GRIN2B: variants seen among roughly 807,000 people sequenced by gnomAD.
GRIN2B encodes glutamate receptor ionotropic, NMDA 2B.
A neutral mutation model predicts 114.5 loss-of-function variants in GRIN2B; 5 were observed. That is an observed-to-expected ratio of 0.04 (90% CI 0.02 to 0.09). The LOEUF is 0.09. Ranked by LOEUF, GRIN2B falls within the 10% of genes least tolerant of loss-of-function variation. The pLI is 1.00. For synonymous variants in GRIN2B, 787 were observed against 745.1 expected, an observed-to-expected ratio of 1.06 and a Z score of -0.92; for missense variants, 1,108 against 1,943.5, an observed-to-expected ratio of 0.57 and a Z score of 8.08.
chr12:13,707,294 G>A (rs1045162214), intron 4 of GRIN2B, among the ~76,000 whole-genome samples: 5 of 152,044 alleles, frequency 3.3e-5, no homozygotes, highest in Non-Finnish European at 5.9e-5. Flanking sequence ...AGGGGAAAAC[G>A]CCCAAACAAG....
chr12:13,857,329 T>C (rs1865678243), intron 3 of GRIN2B, among the ~76,000 whole-genome samples: 1 of 152,020 alleles, frequency 6.6e-6, no homozygotes, highest in South Asian at 2.1e-4. Context: ...CCACTTAACA[T>C]GCCGGTTCTC....
intron 2 of GRIN2B, among the ~76,000 whole-genome samples, chr12:13,874,986 T>C (rs564224803): frequency 6.6e-6 from 1 of 152,190 alleles, no homozygotes; most frequent in South Asian, 2.1e-4. Flanking sequence ...ACGTCTGCCA[T>C]AGTAGTTTCC....
At chr12:13,829,980 A>T (rs975209519) in intron 3 of GRIN2B, among the ~76,000 whole-genome samples, 1 of 152,168 alleles carries the variant, frequency 6.6e-6, no homozygotes, top group Non-Finnish European at 1.5e-5. Flanking sequence ...AGGGGCTGGG[A>T]GGATGGAACA....
In GRIN2B at chr12:13,547,126, A is replaced by C. The variant is rs951353325; in HGVS notation, c.*15657T>G. ...TTTAGATAAGAATACAGTTTAAGGG[A>C]TATATCCCATTTTCATAGGAAAGGA... On this transcript the variant is annotated 3_prime_UTR_variant, in exon 14 of 14. Coordinates refer to ENST00000609686, the MANE Select transcript of GRIN2B (RefSeq NM_000834.5). 6.6e-6 allele frequency: 1 copy of C among 152,186 alleles called. No individual in the cohort carries two copies. The highest frequency in any genetic ancestry group is 1.5e-5 in the Non-Finnish European group (1 of 68,036). 9.4% of individuals were successfully genotyped at this position (152,186 alleles called of 1,614,324 possible). A position where few individuals can be genotyped will look rare whatever the true frequency, so the allele number is the denominator to read the frequency against.
chr12:13,616,136 A>C (rs917922133), intron 6 of GRIN2B, among the ~76,000 whole-genome samples: 43 of 152,202 alleles, frequency 2.8e-4, no homozygotes, highest in African/African-American at 9.9e-4. Context: ...AGATTCTGGG[A>C]CATGCTGGCC....
At chr12:13,811,072 C>T (rs1197481854) in intron 3 of GRIN2B, among the ~76,000 whole-genome samples, 1 of 152,242 alleles carries the variant, frequency 6.6e-6, no homozygotes, top group Non-Finnish European at 1.5e-5. Context: ...TTAGCCACTG[C>T]CATCTATGGC....
At chr12:13,647,721 A>G (rs1038985308) in intron 5 of GRIN2B, among the ~76,000 whole-genome samples, 2 of 152,026 alleles carry the variant, frequency 1.3e-5, no homozygotes, top group Non-Finnish European at 2.9e-5. Context: ...CACCCACTCA[A>G]AAGGGGAATT....
intron 2 of GRIN2B, among the ~76,000 whole-genome samples, chr12:13,945,396 T>A (rs1284252214): frequency 6.6e-6 from 1 of 152,184 alleles, no homozygotes; most frequent in East Asian, 1.9e-4. Context: ...CAGATCCCTG[T>A]CACACTGCAG....
intron 3 of GRIN2B, among the ~76,000 whole-genome samples, chr12:13,782,531 AAC>A (rs1334157417): frequency 2.1e-3 from 317 of 152,332 alleles, no homozygotes; most frequent in African/African-American, 7.2e-3. Flanking sequence ...TTTGAGTTGA[AAC>A]TACAATAAAA....
intron 3 of GRIN2B, among the ~76,000 whole-genome samples, chr12:13,806,831 C>T (rs1864608512): frequency 6.6e-6 from 1 of 151,956 alleles, no homozygotes; most frequent in Non-Finnish European, 1.5e-5. Context: ...CCATTGTTTT[C>T]CCTAGTATTT....
intron 3 of GRIN2B, among the ~76,000 whole-genome samples, chr12:13,785,053 C>T (rs180799383): frequency 2.6e-5 from 4 of 152,346 alleles, no homozygotes; most frequent in South Asian, 4.1e-4. Context: ...CATTACTAAC[C>T]TTGTTTTTAA....
At chr12:13,597,106 A>G (rs943078614) in intron 10 of GRIN2B, among the ~76,000 whole-genome samples, 2 of 152,218 alleles carry the variant, frequency 1.3e-5, no homozygotes, top group African/African-American at 4.8e-5. Context: ...CTTAATCCTT[A>G]GATGACTCTC....
At chr12:13,905,654 G>T (rs1180611236) in intron 2 of GRIN2B, among the ~76,000 whole-genome samples, 1 of 152,144 alleles carries the variant, frequency 6.6e-6, no homozygotes, top group African/African-American at 2.4e-5. Flanking sequence ...CCTTAAAGAA[G>T]TTTTGCATTT....
chr12:13,796,655 A>G lies in GRIN2B; in HGVS notation c.412-42740T>C, dbSNP rs1351099087. Among the ~76,000 whole-genome samples the G allele has an allele frequency of 3.3e-5, 5 of 152,334 alleles. No homozygotes were observed. In the South Asian group the frequency reaches 6.2e-4, roughly 19 times the overall value. ...GTGAGATAAACAGACTTTATGCTGC[A>G]TATCTAGTGTCTTCCATCTGGCCAG... is the stretch of plus-strand genomic sequence containing the variant. On this transcript the variant is annotated intron_variant, in intron 3 of 13. Coordinates refer to ENST00000609686, the MANE Select transcript of GRIN2B (RefSeq NM_000834.5).
intron 4 of GRIN2B, among the ~76,000 whole-genome samples, chr12:13,717,726 TC>T (rs1273525572): frequency 1.3e-5 from 2 of 151,986 alleles, no homozygotes; most frequent in African/African-American, 2.4e-5. Context: ...ACCTTCACTG[TC>T]ATAAAGCAAA....
Position 13,964,553 on chromosome 12 carries a change from A to C in GRIN2B, c.-19+15375T>G, listed in dbSNP as rs144991622. Among the ~76,000 whole-genome samples the C allele has an allele frequency of 3.6e-3, 543 of 152,338 alleles. 5 individuals carry two copies. Among genetic ancestry groups the C allele is most frequent in the African/African-American group, 0.013 (521 of 41,574 alleles). On this transcript the variant is annotated intron_variant, in intron 2 of 13. Transcript: ENST00000609686. ...ATATTTGCCAGGGTGTGCCCTGGAC[A>C]CATAGTCCAGAGCAAGGGCTCTTAA...
chr12:13,659,101 C>T (rs924959671), intron 5 of GRIN2B, among the ~76,000 whole-genome samples: 1 of 152,166 alleles, frequency 6.6e-6, no homozygotes, highest in African/African-American at 2.4e-5. Flanking sequence ...AGTCTGCATT[C>T]TTAGTGGTAT....
At chr12:13,638,249 C>CTA (rs1415629514) in intron 5 of GRIN2B, among the ~76,000 whole-genome samples, 1 of 152,106 alleles carries the variant, frequency 6.6e-6, no homozygotes, top group African/African-American at 2.4e-5. Context: ...GTTTTTCACA[C>CTA]TATTGTTCAC....
chr12:13,859,235 G>C (rs1865713476), intron 3 of GRIN2B, among the ~76,000 whole-genome samples: 3 of 152,170 alleles, frequency 2.0e-5, no homozygotes, highest in South Asian at 4.1e-4. Flanking sequence ...TTCTCTCCTT[G>C]TGCTGGTACC....
Sources: gnomAD v4.1 joint callset for allele counts (sites outside exome capture counted in the v4.1 genomes callset) on GRCh38, gnomAD v4.1.1 for gene constraint, MANE v1.5 for transcripts, NCBI Gene and HGNC (gene_info 2026-07-23, HGNC 2026-07-21) for gene names.